Variants in TCF12 observed in about 807,000 individuals in gnomAD.
TCF12 encodes the protein transcription factor 12.
TCF12 carries 45 observed loss-of-function variants against 86.0 expected under a neutral mutation model. That is an observed-to-expected ratio of 0.52 (90% CI 0.41 to 0.67). The LOEUF (loss-of-function observed/expected upper bound fraction) is 0.67, where lower values mean the gene tolerates loss of function less well. TCF12 is among the 30% of genes least tolerant of loss of function. The probability of loss-of-function intolerance (pLI) is 0.00; values close to 1 mark genes in which losing one functional copy is unlikely to be tolerated. For synonymous variants in TCF12, 330 were observed against 299.6 expected, an observed-to-expected ratio of 1.10 and a Z score of -1.05; for missense variants, 881 against 859.9, an observed-to-expected ratio of 1.02 and a Z score of -0.31.
chr15:57,001,004 T>TAA (rs1199006233), intron 3 of TCF12, among the ~76,000 whole-genome samples: 1,692 of 142,976 alleles, frequency 0.012, 44 homozygotes, highest in African/African-American at 0.037. Context: ...TTTAAAAATT[T>TAA]AAAAAAAATT....
At chr15:56,927,414 G>C (rs979747495) in intron 3 of TCF12, among the ~76,000 whole-genome samples, 26 of 152,046 alleles carry the variant, frequency 1.7e-4, no homozygotes, top group African/African-American at 6.3e-4. Context: ...TTTTCTTATA[G>C]TTCCGTTTGC....
intron 19 of TCF12, among the ~76,000 whole-genome samples, chr15:57,281,104 CTTTT>C (rs5812880): frequency 3.0e-5 from 4 of 133,964 alleles, no homozygotes; most frequent in Non-Finnish European, 3.1e-5. Flanking sequence ...GCACCCTATT[CTTTT>C]TTTTTTTTTT....
rs2063534116 is a variant in TCF12, at chr15:56,993,119, A to G, written c.149-70631A>G. On this transcript the variant is annotated intron_variant, in intron 3 of 20. Transcript: ENST00000333725. ...TTTTTTTTTCTTCCAGCATCCCCAG[A>G]CAACTTAACACAATCTAAAACCTAA... 2.6e-5 allele frequency among the ~76,000 whole-genome samples: 4 copies of G among 152,122 alleles called. No individual in the cohort carries two copies. In the South Asian group the frequency reaches 8.3e-4, roughly 31 times the overall value.
At chr15:57,067,708 C>G (rs2069019899) in intron 4 of TCF12, among the ~76,000 whole-genome samples, 1 of 152,090 alleles carries the variant, frequency 6.6e-6, no homozygotes, top group Non-Finnish European at 1.5e-5. Context: ...TTGTTAGAGT[C>G]CTGGTTTCTG....
At chr15:57,055,271 G>T (rs1181124989) in intron 3 of TCF12, among the ~76,000 whole-genome samples, 4 of 152,100 alleles carry the variant, frequency 2.6e-5, no homozygotes, top group Admixed American at 1.3e-4. Flanking sequence ...GTGTGGTGGC[G>T]CACGCCGGTA....
intron 8 of TCF12, among the ~76,000 whole-genome samples, chr15:57,215,869 C>CT (rs2058311477): frequency 6.6e-6 from 1 of 152,026 alleles, no homozygotes; most frequent in African/African-American, 2.4e-5. Flanking sequence ...GTGGATAACT[C>CT]TAAGAAATTT....
At chr15:57,021,583 C>A (rs772298061) in intron 3 of TCF12, among the ~76,000 whole-genome samples, 2 of 152,136 alleles carry the variant, frequency 1.3e-5, no homozygotes, top group Non-Finnish European at 2.9e-5. Flanking sequence ...TTATATAGGG[C>A]AGCACCAAGG....
At chr15:57,283,615 A>T (rs1406134651) in intron 20 of TCF12, among the ~76,000 whole-genome samples, 3 of 152,098 alleles carry the variant, frequency 2.0e-5, no homozygotes, top group Non-Finnish European at 4.4e-5. Context: ...TTTTTTTCCC[A>T]ATTTTATCAA....
intron 6 of TCF12, among the ~76,000 whole-genome samples, chr15:57,183,452 T>C (rs2151657255): frequency 6.6e-6 from 1 of 152,286 alleles, no homozygotes; most frequent in East Asian, 1.9e-4. Context: ...CAATCCTCTC[T>C]AGGGATCTGT....
At chr15:56,923,194 T>G (rs2059866847) in intron 3 of TCF12, among the ~76,000 whole-genome samples, 1 of 152,080 alleles carries the variant, frequency 6.6e-6, no homozygotes, top group African/African-American at 2.4e-5. Flanking sequence ...TTGTCCTTTT[T>G]GAGGAAGACT....
rs1264293791 is a variant in TCF12, at chr15:57,287,804, T to C, written c.*1659T>C. The C allele has an allele frequency of 6.5e-6, 1 of 152,678 alleles. No homozygotes were observed. The highest frequency in any genetic ancestry group is 2.4e-5 in the African/African-American group (1 of 41,478). The allele number at this position is 152,678 out of a possible 1,614,324, so 9.5% of individuals were successfully genotyped here. ...GTCATTTGTGAACTTAGTGGACTTT[T>C]TGGTTACTTTAATTTGCATATATTC... On this transcript the variant is annotated 3_prime_UTR_variant, in exon 21 of 21. Transcript: ENST00000333725.
chr15:57,231,175 A>C lies in TCF12; in HGVS notation c.603A>C (p.Ser201=), dbSNP rs765814348. ...AGGTATATGCACCATCCCCAAATTCAGATGATTTCAACCGTGAATCTCCTA... is the reference window on the plus strand; with the variant it reads ...AGGTATATGCACCATCCCCAAATTCCGATGATTTCAACCGTGAATCTCCTA... ...PSSVYAPSPN[S]DDFNRESPSY... Residue 201 remains serine, a synonymous_variant, in exon 9 of 21, where the codon TCA becomes TCC. Transcript: ENST00000333725. The C allele has an allele frequency of 3.7e-6, 6 of 1,612,876 alleles. No homozygotes were observed. The highest frequency in any genetic ancestry group is 5.1e-6 in the Non-Finnish European group (6 of 1,179,154).
chr15:56,970,479 C>CAA (rs59118732), intron 3 of TCF12, among the ~76,000 whole-genome samples: 142 of 65,430 alleles, frequency 2.2e-3, no homozygotes, highest in Non-Finnish European at 2.8e-3. Flanking sequence ...GACTCCATCT[C>CAA]AAAAAAAAAA....
intron 7 of TCF12, among the ~76,000 whole-genome samples, chr15:57,195,699 C>T (rs1597228843): frequency 6.6e-6 from 1 of 152,088 alleles, no homozygotes. Flanking sequence ...ATTCCCAGTC[C>T]AAAGTTAAAT....
chr15:57,243,805 C>A lies in TCF12; in HGVS notation c.1114+255C>A, dbSNP rs2059734509. 2.0e-5 allele frequency among the ~76,000 whole-genome samples: 3 copies of A among 152,144 alleles called. No individual in the cohort carries two copies. The South Asian group carries it at 6.2e-4, about 32-fold the overall frequency. Reference sequence around the variant, plus strand: ...TGATCATTTCTAAGAACAGTAGTTACAACAGGATAAAAATAAGACCAGGCA... The same window carrying A: ...TGATCATTTCTAAGAACAGTAGTTAAAACAGGATAAAAATAAGACCAGGCA... On this transcript the variant is annotated intron_variant, in intron 13 of 20. Coordinates refer to ENST00000333725, the MANE Select transcript of TCF12 (RefSeq NM_207037.2).
At chr15:56,973,537 C>T (rs759330235) in intron 3 of TCF12, among the ~76,000 whole-genome samples, 20 of 151,922 alleles carry the variant, frequency 1.3e-4, no homozygotes, top group African/African-American at 4.6e-4. Flanking sequence ...CTTTTGTAGT[C>T]GAATAACAAC....
chr15:56,929,747 C>CT (rs142670025), intron 3 of TCF12, among the ~76,000 whole-genome samples: 256 of 152,086 alleles, frequency 1.7e-3, no homozygotes, highest in African/African-American at 6.0e-3. Context: ...AAAATACTAC[C>CT]TTTTTTTCCC....
chr15:56,932,505 G>T (rs1392994101), intron 3 of TCF12, among the ~76,000 whole-genome samples: 1 of 152,024 alleles, frequency 6.6e-6, no homozygotes, highest in Non-Finnish European at 1.5e-5. Context: ...AAAAAAAGAA[G>T]TCTTAAATGG....
intron 5 of TCF12, among the ~76,000 whole-genome samples, chr15:57,125,534 A>C (rs1299874349): frequency 6.6e-6 from 1 of 152,238 alleles, no homozygotes; most frequent in Non-Finnish European, 1.5e-5. Flanking sequence ...TTAGCCTTTA[A>C]ACTTAAAGAT....
Sources: gnomAD v4.1 joint callset for allele counts (sites outside exome capture counted in the v4.1 genomes callset) on GRCh38, gnomAD v4.1.1 for gene constraint, MANE v1.5 for transcripts, NCBI Gene and HGNC (gene_info 2026-07-23, HGNC 2026-07-21) for gene names.